Variants in JAZF1 observed in about 807,000 individuals in gnomAD.
JAZF1 encodes juxtaposed with another zinc finger protein 1.
Under a neutral mutation model 26.4 loss-of-function variants are expected in JAZF1, and 8 were observed. That is an observed-to-expected ratio of 0.30 (90% CI 0.18 to 0.55). The LOEUF (loss-of-function observed/expected upper bound fraction) is 0.55, where lower values mean the gene tolerates loss of function less well. Among genes scored for constraint, JAZF1 ranks in the 20% least tolerant of loss-of-function variants. The pLI, the probability that JAZF1 is intolerant of heterozygous loss-of-function variation, is 0.94. For synonymous variants in JAZF1, 126 were observed against 122.3 expected, an observed-to-expected ratio of 1.03 and a Z score of -0.20; for missense variants, 199 against 322.0, an observed-to-expected ratio of 0.62 and a Z score of 2.92.
intron 1 of JAZF1, among the ~76,000 whole-genome samples, chr7:28,063,873 A>G (rs1210113832): frequency 2.0e-5 from 3 of 152,164 alleles, no homozygotes; most frequent in Admixed American, 1.3e-4. Flanking sequence ...ATAGTTTCCA[A>G]TCTATATGCA....
rs541318549 is a variant in JAZF1 at position 27,967,211 on chromosome 7, C to T, written c.188+24698G>A. On this transcript the variant is annotated intron_variant, in intron 2 of 4. Transcript: ENST00000283928. Reference sequence around the variant, plus strand: ...CCCTCCTCAAGATGGTTTTGGGCAGCGGGTCAAAGCCACTGGCAGACCCAT... The same window carrying T: ...CCCTCCTCAAGATGGTTTTGGGCAGTGGGTCAAAGCCACTGGCAGACCCAT... Among the ~76,000 whole-genome samples, 11 of 152,162 alleles carry T rather than the reference C, an allele frequency of 7.2e-5. 1 individual carries two copies. The South Asian group carries it at 1.0e-3, about 14-fold the overall frequency.
intron 2 of JAZF1, among the ~76,000 whole-genome samples, chr7:27,929,151 T>C (rs1784643792): frequency 6.6e-6 from 1 of 152,250 alleles, no homozygotes; most frequent in Non-Finnish European, 1.5e-5. Flanking sequence ...TAAAGCAGTC[T>C]TCTAGGAGCC....
chr7:27,916,008 T>C (rs1265952700), intron 2 of JAZF1, among the ~76,000 whole-genome samples: 1 of 152,154 alleles, frequency 6.6e-6, no homozygotes, highest in African/African-American at 2.4e-5. Flanking sequence ...TGTACTTTGC[T>C]TGTTCCTTCA....
chr7:28,126,825 G>A (rs779163493), intron 1 of JAZF1, among the ~76,000 whole-genome samples: 2 of 152,110 alleles, frequency 1.3e-5, no homozygotes, highest in Non-Finnish European at 2.9e-5. Flanking sequence ...AGGGAGGAGA[G>A]AGGAAGAGAA....
At position 27,832,815 on chromosome 7, in the gene JAZF1, C is replaced by G; in HGVS notation, c.717G>C (p.Arg239Ser). ...GACCAGCATGTTATTGCTGCATCTT[C>G]CTGATAATCTCAGCCGACACCGGGG... The part of the protein sequence containing the change: ...FHPPVSAEII[R>S]KMQQ The change falls in exon 5 of 5, where the codon AGG becomes AGC. Residue 239 changes from arginine (R) to serine (S), a missense_variant. Transcript: ENST00000283928. 1 of 1,594,402 alleles carries G rather than the reference C, an allele frequency of 6.3e-7. No homozygotes were observed. The highest frequency in any genetic ancestry group is 8.6e-7 in the Non-Finnish European group (1 of 1,168,830).
intron 3 of JAZF1, among the ~76,000 whole-genome samples, chr7:27,858,953 T>C (rs1055282840): frequency 6.6e-6 from 1 of 152,036 alleles, no homozygotes; most frequent in African/African-American, 2.4e-5. Context: ...ACCTACAGAA[T>C]GGGAGAAAAT....
chr7:27,905,544 A>C (rs1784240326), intron 2 of JAZF1, among the ~76,000 whole-genome samples: 1 of 149,678 alleles, frequency 6.7e-6, no homozygotes, highest in Admixed American at 6.6e-5. Context: ...TATTTTATTT[A>C]TTTTTCTTTT....
chr7:28,055,525 T>C lies in JAZF1; in HGVS notation c.116-63544A>G, dbSNP rs78359728. Reference sequence around the variant, plus strand: ...TTTCCATCTTGGACTGTTAAACATATGTATGTATACCTTTCCAGCTTCCTC... The same window carrying C: ...TTTCCATCTTGGACTGTTAAACATACGTATGTATACCTTTCCAGCTTCCTC... On this transcript the variant is annotated intron_variant, in intron 1 of 4. Transcript: ENST00000283928. Among the ~76,000 whole-genome samples the C allele has an allele frequency of 0.023, 3,541 of 152,302 alleles. 304 individuals are homozygous for C. In the East Asian group the frequency reaches 0.31, roughly 13 times the overall value.
intron 1 of JAZF1, among the ~76,000 whole-genome samples, chr7:28,091,567 T>C (rs2127922053): frequency 6.7e-6 from 1 of 150,244 alleles, no homozygotes; most frequent in South Asian, 2.1e-4. Context: ...ATAAACAAAG[T>C]CCTGAATGAA....
At chr7:28,038,228 GT>G (rs1482308685) in intron 1 of JAZF1, among the ~76,000 whole-genome samples, 1 of 152,078 alleles carries the variant, frequency 6.6e-6, no homozygotes, top group Non-Finnish European at 1.5e-5. Flanking sequence ...TTATATTAGA[GT>G]AATTCAGGTG....
rs1449233200 is a variant in JAZF1, at chr7:28,174,817, TGTGG to T, written c.115+5642_115+5645del. ...GTTCCCTGATCCTGCCTATGGGGTG[TGTGG>T]GTGTGTGTGTGTGTGTGTGTGTGTG... On this transcript the variant is annotated intron_variant, in intron 1 of 4. Transcript: ENST00000283928. 5.1e-4 allele frequency among the ~76,000 whole-genome samples: 37 copies of T among 72,416 alleles called. 1 individual carries two copies. In the East Asian group the frequency reaches 8.3e-3, roughly 16 times the overall value. The allele number at this position is 72,416 out of a possible 152,430, so 47.5% of individuals were successfully genotyped here.
intron 1 of JAZF1, among the ~76,000 whole-genome samples, chr7:28,038,336 C>A (rs1327905032): frequency 6.6e-6 from 1 of 152,114 alleles, no homozygotes; most frequent in Non-Finnish European, 1.5e-5. Flanking sequence ...TAGATATAAG[C>A]TCATTTTTCA....
chr7:27,836,878 ACAG>A (rs1158393850), intron 4 of JAZF1, among the ~76,000 whole-genome samples: 2 of 152,316 alleles, frequency 1.3e-5, no homozygotes, highest in South Asian at 4.1e-4. Context: ...TTCAGAAAAC[ACAG>A]AAGAGGATAA....
At chr7:28,148,164 G>C (rs1783056017) in intron 1 of JAZF1, among the ~76,000 whole-genome samples, 1 of 151,816 alleles carries the variant, frequency 6.6e-6, no homozygotes, top group African/African-American at 2.4e-5. Context: ...TCTGCCTCCT[G>C]AGTTCAAACA....
chr7:27,963,308 A>C (rs1224711786), intron 2 of JAZF1, among the ~76,000 whole-genome samples: 1 of 152,176 alleles, frequency 6.6e-6, no homozygotes, highest in Non-Finnish European at 1.5e-5. Context: ...ATTGGAAACA[A>C]TGTAGCTTTG....
Position 28,032,938 on chromosome 7 carries a change from C to T in JAZF1, c.116-40957G>A, listed in dbSNP as rs117958755. ...GCTCCAGCAACTCCCCTCAGCTCCC[C>T]ACAAGGAGGCGAAAGCAACCCAACA... On this transcript the variant is annotated intron_variant, in intron 1 of 4. Transcript: ENST00000283928. 5.2e-3 allele frequency among the ~76,000 whole-genome samples: 791 copies of T among 152,264 alleles called. 3 individuals carry two copies. Among genetic ancestry groups the T allele is most frequent in the Middle Eastern group, 0.014 (4 of 294 alleles).
At chr7:28,179,978 C>T (rs1163141492) in intron 1 of JAZF1, among the ~76,000 whole-genome samples, 2 of 134,342 alleles carry the variant, frequency 1.5e-5, no homozygotes, top group South Asian at 5.0e-4. Flanking sequence ...CGAGCCGGGG[C>T]GGAAGCGCCC....
intron 1 of JAZF1, among the ~76,000 whole-genome samples, chr7:28,110,695 C>G (rs1173435411): frequency 6.6e-6 from 1 of 151,880 alleles, no homozygotes; most frequent in Non-Finnish European, 1.5e-5. Context: ...AGCAAAAAAT[C>G]CAGGATTCTC....
At chr7:27,986,814 C>G (rs1211559255) in intron 2 of JAZF1, among the ~76,000 whole-genome samples, 2 of 152,174 alleles carry the variant, frequency 1.3e-5, no homozygotes, top group Non-Finnish European at 2.9e-5. Context: ...CGCTGCCATG[C>G]CTGACTGGTT....
Sources: gnomAD v4.1 joint callset for allele counts (sites outside exome capture counted in the v4.1 genomes callset) on GRCh38, gnomAD v4.1.1 for gene constraint, MANE v1.5 for transcripts, NCBI Gene and HGNC (gene_info 2026-07-23, HGNC 2026-07-21) for gene names.